The following AMBRA1 variants were observed in gnomAD, a reference collection of about 807,000 sequenced individuals.
AMBRA1 encodes activating molecule in BECN1-regulated autophagy protein 1.
Under a neutral mutation model 125.4 loss-of-function variants are expected in AMBRA1, and 47 were observed. The ratio of observed to expected loss-of-function variants is 0.37; its 90% confidence interval spans 0.30 to 0.48. The LOEUF (loss-of-function observed/expected upper bound fraction) is 0.48, where lower values mean the gene tolerates loss of function less well. AMBRA1 is among the 20% of genes least tolerant of loss of function. The probability of loss-of-function intolerance (pLI) is 0.99; values close to 1 mark genes in which losing one functional copy is unlikely to be tolerated. For missense variants in AMBRA1, 1,331 were observed against 1,693.4 expected, an observed-to-expected ratio of 0.79 and a Z score of 3.76; for synonymous variants, 626 against 655.5, an observed-to-expected ratio of 0.95 and a Z score of 0.69.
chr11:46,440,924 C>T (rs1293089366), intron 12 of AMBRA1, among the ~76,000 whole-genome samples: 2 of 152,148 alleles, frequency 1.3e-5, no homozygotes, highest in Admixed American at 6.5e-5. Context: ...AGAAAAATGT[C>T]GTCCTCAGAT....
chr11:46,425,739 T>A (rs1467577517), intron 14 of AMBRA1, among the ~76,000 whole-genome samples: 1 of 152,046 alleles, frequency 6.6e-6, no homozygotes, highest in Non-Finnish European at 1.5e-5. Context: ...CTCGGGAGGC[T>A]GAGGCAGGAA....
chr11:46,542,918 G>A lies in AMBRA1; in HGVS notation c.1099C>T (p.Arg367Trp), dbSNP rs775111273. 8 of 1,611,428 alleles carry A rather than the reference G, an allele frequency of 5.0e-6. No individual in the cohort carries two copies. The highest frequency in any genetic ancestry group is 4.4e-5 in the South Asian group (4 of 91,074). The part of the protein sequence containing the change: ...STQQDQGLLN[R>W]PSAFSTVQSS... Reference sequence around the variant, plus strand: ...TGGACTGTACTGAAGGCAGACGGCCGGTTCAGGAGGCCCTGGTCCTGCTGC... The same window carrying A: ...TGGACTGTACTGAAGGCAGACGGCCAGTTCAGGAGGCCCTGGTCCTGCTGC... Residue 367 changes from arginine (R) to tryptophan (W), a missense_variant, in exon 7 of 18, where the codon CGG becomes TGG. Coordinates refer to ENST00000683756, the MANE Select transcript of AMBRA1 (RefSeq NM_001387011.1). This position sits in a 1 kb window ranked among gnomAD's most constrained non-coding sequence, Gnocchi z 5.9.
chr11:46,490,732 T>G (rs1313489589), intron 11 of AMBRA1, among the ~76,000 whole-genome samples: 1 of 152,008 alleles, frequency 6.6e-6, no homozygotes, highest in Non-Finnish European at 1.5e-5. Flanking sequence ...ATGTCTGGAG[T>G]AAGACTGAGT....
At chr11:46,410,654 A>G (rs930694057) in intron 15 of AMBRA1, among the ~76,000 whole-genome samples, 1 of 152,272 alleles carries the variant, frequency 6.6e-6, no homozygotes, top group African/African-American at 2.4e-5. Flanking sequence ...GACAGCTAAA[A>G]AAATAGCAAC....
intron 1 of AMBRA1, among the ~76,000 whole-genome samples, chr11:46,589,349 C>G (rs1329193401): frequency 6.6e-6 from 1 of 152,164 alleles, no homozygotes; most frequent in Non-Finnish European, 1.5e-5. Context: ...TGTACCACAG[C>G]ATTTCTATAC....
intron 10 of AMBRA1, 163 bp from the exon 11 acceptor site, chr11:46,493,871 T>C (rs1450396795): frequency 1.5e-6 from 1 of 653,900 alleles, no homozygotes; most frequent in Non-Finnish European, 2.6e-6. Flanking sequence ...TTTGTATCTA[T>C]CTTTTTCTGC....
intron 1 of AMBRA1, among the ~76,000 whole-genome samples, chr11:46,574,780 T>C (rs994841296): frequency 8.5e-5 from 13 of 152,240 alleles, no homozygotes; most frequent in Admixed American, 5.9e-4. Context: ...CTGAAGACTC[T>C]GCTTTCTCCA....
chr11:46,581,797 CAAAAAAAAAAAAA>C (rs1162857231), intron 1 of AMBRA1, among the ~76,000 whole-genome samples: 1 of 69,950 alleles, frequency 1.4e-5, no homozygotes, highest in African/African-American at 4.9e-5. Context: ...AAAACTCCAT[CAAAAAAAAAAAAA>C]AAAAAAAAAA....
intron 7 of AMBRA1, among the ~76,000 whole-genome samples, chr11:46,528,122 G>T (rs1952057486): frequency 6.6e-6 from 1 of 152,154 alleles, no homozygotes; most frequent in African/African-American, 2.4e-5. Flanking sequence ...ATATTATTCA[G>T]CCTTTGAAAA....
intron 11 of AMBRA1, among the ~76,000 whole-genome samples, chr11:46,466,107 TACATAA>T (rs1207005863): frequency 6.6e-6 from 1 of 152,212 alleles, no homozygotes; most frequent in Non-Finnish European, 1.5e-5. Flanking sequence ...GTGGAAGATG[TACATAA>T]AATGGTAGTA....
At chr11:46,570,897 AGG>A (rs200899627) in intron 1 of AMBRA1, among the ~76,000 whole-genome samples, 1,874 of 152,252 alleles carry the variant, frequency 0.012, 23 homozygotes, top group Admixed American at 0.021. Flanking sequence ...ACTCCAAGAA[AGG>A]GATAGAGAAC....
In AMBRA1 at chr11:46,532,866, C is replaced by T. The variant is rs1461401537; in HGVS notation, c.2072+9079G>A. On this transcript the variant is annotated intron_variant, in intron 7 of 17. Transcript: ENST00000683756. The stretch of plus-strand genomic sequence containing the variant: ...ATTAATTTTCATTTACCACTAACAA[C>T]GCTCATACTCTTGGGCACTAGCAAT... Among the ~76,000 whole-genome samples, 6 of 152,198 alleles carry T rather than the reference C, an allele frequency of 3.9e-5. No individual in the cohort carries two copies. The South Asian group carries it at 6.2e-4, about 16-fold the overall frequency.
chr11:46,581,305 G>A (rs897922917), intron 1 of AMBRA1, among the ~76,000 whole-genome samples: 4 of 151,430 alleles, frequency 2.6e-5, no homozygotes, highest in East Asian at 2.0e-4. Context: ...AAACCCTGTC[G>A]CTACTAAAAA....
intron 7 of AMBRA1, among the ~76,000 whole-genome samples, chr11:46,534,134 G>T (rs1434456895): frequency 6.8e-6 from 1 of 147,416 alleles, no homozygotes; most frequent in Non-Finnish European, 1.5e-5. Flanking sequence ...TGGCATACTA[G>T]ATATCTTATT....
In AMBRA1 at chr11:46,508,339, T is replaced by TC; in HGVS notation, c.2190dup (p.Met731AspfsTer47). ...TCTCTCCGTGAGAGATACTGGATCATCCTCTGGGCGTAGTATGCAGCAGGA... is the reference window on the plus strand; with the variant it reads ...TCTCTCCGTGAGAGATACTGGATCATCCCTCTGGGCGTAGTATGCAGCAGGA... On this transcript the variant is annotated frameshift_variant, in exon 9 of 18. Coordinates refer to ENST00000683756, the MANE Select transcript of AMBRA1 (RefSeq NM_001387011.1). LOFTEE classifies it high-confidence loss of function. The TC allele has an allele frequency of 6.2e-7, 1 of 1,614,138 alleles. No individual in the cohort carries two copies. The highest frequency in any genetic ancestry group is 8.5e-7 in the Non-Finnish European group (1 of 1,180,012).
chr11:46,399,730 C>T (rs541247656), intron 17 of AMBRA1, among the ~76,000 whole-genome samples: 1 of 152,178 alleles, frequency 6.6e-6, no homozygotes, highest in South Asian at 2.1e-4. Context: ...CTTTACCCCC[C>T]AGTCTTCACA....
chr11:46,568,306 A>C (rs1019495688), intron 1 of AMBRA1, among the ~76,000 whole-genome samples: 1 of 151,928 alleles, frequency 6.6e-6, no homozygotes, highest in Non-Finnish European at 1.5e-5. Flanking sequence ...AAAAATACAA[A>C]AATTAGCCGG....
At chr11:46,427,410 GA>G (rs1943113392) in intron 14 of AMBRA1, among the ~76,000 whole-genome samples, 1 of 152,194 alleles carries the variant, frequency 6.6e-6, no homozygotes, top group Non-Finnish European at 1.5e-5. Context: ...TTTATTTTCA[GA>G]GATAGTAAGA....
intron 1 of AMBRA1, among the ~76,000 whole-genome samples, chr11:46,579,432 G>A (rs141736530): frequency 0.019 from 2,846 of 152,204 alleles, 97 homozygotes; most frequent in African/African-American, 0.065. Flanking sequence ...ACTCCAGCCT[G>A]GGCAACAAGA....
Sources: allele counts gnomAD v4.1 joint callset (sites outside exome capture counted in the v4.1 genomes callset), GRCh38; gene constraint gnomAD v4.1.1; non-coding constraint Gnocchi (gnomAD v3.1); transcripts MANE v1.5; gene names NCBI Gene and HGNC (gene_info 2026-07-23, HGNC 2026-07-21).